The following ADCY2 variants were observed in gnomAD, a reference collection of about 807,000 sequenced individuals.
ADCY2 encodes adenylate cyclase type 2.
A neutral mutation model predicts 125.2 loss-of-function variants in ADCY2; 31 were observed. That is an observed-to-expected ratio of 0.25 (90% CI 0.19 to 0.33). ADCY2 has a LOEUF of 0.33. Among genes scored for constraint, ADCY2 ranks in the 10% least tolerant of loss-of-function variants. The pLI is 1.00. For missense variants in ADCY2, 904 were observed against 1,418.2 expected, an observed-to-expected ratio of 0.64 and a Z score of 5.82; for synonymous variants, 512 against 548.4, an observed-to-expected ratio of 0.93 and a Z score of 0.93.
intron 20 of ADCY2, among the ~76,000 whole-genome samples, chr5:7,790,221 G>A (rs974238216): frequency 1.3e-5 from 2 of 152,046 alleles, no homozygotes; most frequent in African/African-American, 2.4e-5. Flanking sequence ...CCTCCCACAC[G>A]CCCCCTGTTT....
intron 7 of ADCY2, among the ~76,000 whole-genome samples, chr5:7,701,798 T>A (rs953776184): frequency 2.0e-5 from 3 of 152,230 alleles, no homozygotes; most frequent in Non-Finnish European, 2.9e-5. Flanking sequence ...TTGTCAAGGT[T>A]CATTTTTGTG....
At chr5:7,651,331 G>A (rs905834012) in intron 4 of ADCY2, among the ~76,000 whole-genome samples, 1 of 152,084 alleles carries the variant, frequency 6.6e-6, no homozygotes, top group African/African-American at 2.4e-5. Context: ...TGACTCACAC[G>A]ATCACAAGGT....
At chr5:7,504,050 G>A (rs1743705838) in intron 2 of ADCY2, among the ~76,000 whole-genome samples, 1 of 152,116 alleles carries the variant, frequency 6.6e-6, no homozygotes, top group South Asian at 2.1e-4. Flanking sequence ...TGATGTAGGT[G>A]CATTCTTATG....
intron 2 of ADCY2, among the ~76,000 whole-genome samples, chr5:7,488,808 C>G (rs951066529): frequency 2.6e-5 from 4 of 152,124 alleles, no homozygotes; most frequent in African/African-American, 9.7e-5. Flanking sequence ...TCCCAAAGCC[C>G]CTCGTCAGTG....
chr5:7,467,520 T>C (rs1742170132), intron 2 of ADCY2, among the ~76,000 whole-genome samples: 1 of 152,202 alleles, frequency 6.6e-6, no homozygotes, highest in African/African-American at 2.4e-5. Flanking sequence ...TCAGAGTTCT[T>C]ATGACTTTTT....
At chr5:7,825,647 T>C (rs760122920) in intron 24 of ADCY2, among the ~76,000 whole-genome samples, 3 of 152,232 alleles carry the variant, frequency 2.0e-5, no homozygotes, top group Non-Finnish European at 2.9e-5. Context: ...TAGGGGACAC[T>C]GGGTGGAGGA....
intron 1 of ADCY2, among the ~76,000 whole-genome samples, chr5:7,400,180 A>G: frequency 6.6e-6 from 1 of 152,226 alleles, no homozygotes; most frequent in East Asian, 1.9e-4. Flanking sequence ...AATAGTCAAT[A>G]TTTCAATATA....
intron 22 of ADCY2, among the ~76,000 whole-genome samples, chr5:7,815,705 C>T (rs905006857): frequency 3.9e-5 from 6 of 152,208 alleles, no homozygotes; most frequent in African/African-American, 1.4e-4. Context: ...CTTCTTCCCA[C>T]TGGGAAATCT....
intron 2 of ADCY2, among the ~76,000 whole-genome samples, chr5:7,480,334 A>G (rs1163679976): frequency 1.3e-5 from 2 of 152,230 alleles, no homozygotes; most frequent in Non-Finnish European, 2.9e-5. Flanking sequence ...TGCAATAGCA[A>G]AGACACTGAA....
intron 14 of ADCY2, among the ~76,000 whole-genome samples, chr5:7,741,652 CTCAT>C (rs1742417460): frequency 5.5e-5 from 4 of 72,642 alleles, no homozygotes; most frequent in South Asian, 4.6e-4. Flanking sequence ...CATCACCATC[CTCAT>C]TATCATCATC....
At chr5:7,572,743 T>A (rs949184457) in intron 3 of ADCY2, among the ~76,000 whole-genome samples, 1 of 152,208 alleles carries the variant, frequency 6.6e-6, no homozygotes, top group Admixed American at 6.6e-5. Context: ...CTAGGTTGTC[T>A]TCTAGGGTTT....
At chr5:7,428,090 C>T (rs946965794) in intron 2 of ADCY2, among the ~76,000 whole-genome samples, 1 of 152,186 alleles carries the variant, frequency 6.6e-6, no homozygotes, top group African/African-American at 2.4e-5. Flanking sequence ...TGCTATCATG[C>T]AGAGGGCAGG....
At chr5:7,459,001 T>G (rs1237701742) in intron 2 of ADCY2, among the ~76,000 whole-genome samples, 2 of 152,168 alleles carry the variant, frequency 1.3e-5, no homozygotes, top group African/African-American at 4.8e-5. Context: ...CCAAGACCAA[T>G]GGCTTAAATC....
chr5:7,440,807 G>A (rs1312782315), intron 2 of ADCY2, among the ~76,000 whole-genome samples: 1 of 152,178 alleles, frequency 6.6e-6, no homozygotes. Context: ...AACCATGTCG[G>A]ATAAGCCAGA....
intron 15 of ADCY2, among the ~76,000 whole-genome samples, chr5:7,744,491 T>G (rs983160732): frequency 5.3e-5 from 8 of 152,264 alleles, no homozygotes; most frequent in African/African-American, 1.9e-4. Flanking sequence ...TTTATTAGTG[T>G]TTAATTTAAG....
intron 10 of ADCY2, among the ~76,000 whole-genome samples, chr5:7,710,137 G>A (rs913155463): frequency 1.3e-5 from 2 of 152,176 alleles, no homozygotes; most frequent in South Asian, 2.1e-4. Flanking sequence ...CAGTTGTCAG[G>A]TGAAAGTGGA....
chr5:7,677,567 C>G (rs1561161556), intron 4 of ADCY2, among the ~76,000 whole-genome samples: 1 of 152,152 alleles, frequency 6.6e-6, no homozygotes, highest in Admixed American at 6.5e-5. Flanking sequence ...GAAGCCAGTC[C>G]AACCTGGCAG....
intron 3 of ADCY2, among the ~76,000 whole-genome samples, chr5:7,565,812 A>T (rs184009395): frequency 6.6e-6 from 1 of 152,184 alleles, no homozygotes; most frequent in Admixed American, 6.5e-5. Context: ...GCATTGCCAA[A>T]TGACGATTAA....
intron 2 of ADCY2, among the ~76,000 whole-genome samples, chr5:7,442,404 A>T (rs1741046348): frequency 6.6e-6 from 1 of 152,084 alleles, no homozygotes; most frequent in Non-Finnish European, 1.5e-5. Context: ...CTGTAAACTG[A>T]GCGGTACCTC....
Sources: gnomAD v4.1 joint callset for allele counts (sites outside exome capture counted in the v4.1 genomes callset) on GRCh38, gnomAD v4.1.1 for gene constraint, MANE v1.5 for transcripts, NCBI Gene and HGNC (gene_info 2026-07-23, HGNC 2026-07-21) for gene names.